NDUFS4: variants seen among roughly 807,000 people sequenced by gnomAD.
NDUFS4 encodes the protein NADH dehydrogenase [ubiquinone] iron-sulfur protein 4, mitochondrial.
A neutral mutation model predicts 24.3 loss-of-function variants in NDUFS4; 28 were observed. The ratio of observed to expected loss-of-function variants is 1.15; its 90% confidence interval spans 0.85 to 1.58. NDUFS4 has a LOEUF of 1.58. Among genes scored for constraint, NDUFS4 ranks in the 40% most tolerant of loss-of-function variants. The pLI is 0.00. For synonymous variants in NDUFS4, 93 were observed against 69.7 expected (o/e 1.34, Z -1.67); for missense variants, 223 against 207.9 (o/e 1.07, Z -0.45).
intron 2 of NDUFS4, among the ~76,000 whole-genome samples, chr5:53,604,294 A>G (rs1344010892): frequency 6.6e-6 from 1 of 152,180 alleles, no homozygotes; most frequent in African/African-American, 2.4e-5. Context: ...ACAGTATTTT[A>G]TCACTCAACT....
At chr5:53,681,563 T>TTAAAG (rs1274823625) in intron 4 of NDUFS4, among the ~76,000 whole-genome samples, 1 of 152,172 alleles carries the variant, frequency 6.6e-6, no homozygotes, top group Non-Finnish European at 1.5e-5. Flanking sequence ...CCACATTCTC[T>TTAAAG]TAAAGTAAGC....
At chr5:53,602,981 T>C (rs1274840865) in intron 1 of NDUFS4, among the ~76,000 whole-genome samples, 1 of 152,230 alleles carries the variant, frequency 6.6e-6, no homozygotes, top group Non-Finnish European at 1.5e-5. Context: ...ACATTAGTTA[T>C]ACAAATCATT....
intron 1 of NDUFS4, among the ~76,000 whole-genome samples, chr5:53,589,848 G>A (rs571387467): frequency 9.9e-5 from 15 of 152,270 alleles, no homozygotes; most frequent in Admixed American, 6.5e-4. Context: ...TTCTCCCGTG[G>A]TGGATGCTTC....
At chr5:53,572,831 A>T (rs1749254928) in intron 1 of NDUFS4, among the ~76,000 whole-genome samples, 1 of 151,850 alleles carries the variant, frequency 6.6e-6, no homozygotes, top group East Asian at 1.9e-4. Flanking sequence ...TCTTTAGTAG[A>T]GACGGGGTTT....
At chr5:53,612,391 A>G (rs879610428) in intron 2 of NDUFS4, among the ~76,000 whole-genome samples, 4 of 152,082 alleles carry the variant, frequency 2.6e-5, no homozygotes, top group Non-Finnish European at 5.9e-5. Flanking sequence ...GAAAAAGGAA[A>G]CTTTTTATTT....
rs555937852 is a variant in NDUFS4, at chr5:53,645,305, T to G, written c.178-928T>G. Among the ~76,000 whole-genome samples the G allele has an allele frequency of 2.0e-5, 3 of 152,252 alleles. No homozygotes were observed. The South Asian group carries it at 6.2e-4, about 32-fold the overall frequency. On this transcript the variant is annotated intron_variant, in intron 2 of 4. Transcript: ENST00000296684. The stretch of plus-strand genomic sequence containing the variant: ...ACCCATTTATGTCTGAGGTTGCAGT[T>G]TTTAGAATTTTTGCAATCAGACCTT...
At chr5:53,676,820 TA>T (rs1740486165) in intron 4 of NDUFS4, among the ~76,000 whole-genome samples, 2 of 152,138 alleles carry the variant, frequency 1.3e-5, no homozygotes. Context: ...GAGTCACAAA[TA>T]AACTTTACGT....
intron 1 of NDUFS4, among the ~76,000 whole-genome samples, chr5:53,601,011 T>A (rs1249473150): frequency 6.7e-6 from 1 of 149,764 alleles, no homozygotes; most frequent in Admixed American, 6.6e-5. Context: ...AAATTTTTTT[T>A]TTTTTTTTTT....
At position 53,665,627 on chromosome 5, in the gene NDUFS4, G is replaced by T. The variant is rs776055414; in HGVS notation, c.424+7003G>T. Reference sequence around the variant, plus strand: ...TGTGGGCATAGGACCCTCCGAGCCAGGTGCGGGATATAATCTCCTGGTGTG... The same window carrying T: ...TGTGGGCATAGGACCCTCCGAGCCATGTGCGGGATATAATCTCCTGGTGTG... On this transcript the variant is annotated intron_variant, in intron 4 of 4. Coordinates refer to ENST00000296684, the MANE Select transcript of NDUFS4 (RefSeq NM_002495.4). Among the ~76,000 whole-genome samples, 32 of 152,362 alleles carry T rather than the reference G, an allele frequency of 2.1e-4. 1 individual carries two copies. Among genetic ancestry groups the T allele is most frequent in the African/African-American group, 3.8e-4 (16 of 41,588 alleles).
intron 2 of NDUFS4, among the ~76,000 whole-genome samples, chr5:53,622,561 A>C (rs1216575052): frequency 6.6e-6 from 1 of 152,076 alleles, no homozygotes; most frequent in East Asian, 1.9e-4. Flanking sequence ...TACCTCCCAA[A>C]GGCCCCATTT....
chr5:53,674,502 GTA>G (rs1163409285), intron 4 of NDUFS4, among the ~76,000 whole-genome samples: 2 of 152,098 alleles, frequency 1.3e-5, no homozygotes, highest in African/African-American at 4.8e-5. Context: ...CAATGGATTA[GTA>G]TTCTGTCTTA....
rs554429876 is a variant in NDUFS4 at position 53,567,649 on chromosome 5, A to C, written c.98+6889A>C. 2.1e-4 allele frequency among the ~76,000 whole-genome samples: 32 copies of C among 152,088 alleles called. 1 individual carries two copies. Among genetic ancestry groups the C allele is most frequent in the African/African-American group, 6.7e-4 (28 of 41,506 alleles). On this transcript the variant is annotated intron_variant, in intron 1 of 4. Transcript: ENST00000296684. ...CTTTAAAAACGATTCAGTGTCTGCT[A>C]TGCTTTCTGAGTTCTCGTGTCTGCT... is the stretch of plus-strand genomic sequence containing the variant.
chr5:53,658,823 T>C (rs1752240508), intron 4 of NDUFS4, 199 bp downstream of exon 4: 2 of 538,668 alleles, frequency 3.7e-6, no homozygotes, highest in South Asian at 2.4e-5. Flanking sequence ...GGAATGCTCA[T>C]ACAACATGTA....
chr5:53,563,185 C>T (rs13176691), intron 1 of NDUFS4, among the ~76,000 whole-genome samples: 15 of 148,504 alleles, frequency 1.0e-4, no homozygotes, highest in South Asian at 6.4e-4. Flanking sequence ...GTCAAGATCG[C>T]GCCACTGCAC....
At chr5:53,596,690 T>G (rs1002468333) in intron 1 of NDUFS4, among the ~76,000 whole-genome samples, 3 of 152,236 alleles carry the variant, frequency 2.0e-5, no homozygotes, top group African/African-American at 4.8e-5. Context: ...TTATTTCAAT[T>G]AAAACTCTCA....
intron 1 of NDUFS4, among the ~76,000 whole-genome samples, chr5:53,568,751 G>A (rs770306433): frequency 7.2e-5 from 11 of 152,200 alleles, no homozygotes; most frequent in Middle Eastern, 3.4e-3. Flanking sequence ...TTAGGAAGGT[G>A]GTCTTTCACT....
intron 1 of NDUFS4, among the ~76,000 whole-genome samples, chr5:53,602,660 T>C (rs577431533): frequency 6.6e-6 from 1 of 152,022 alleles, no homozygotes; most frequent in Non-Finnish European, 1.5e-5. Context: ...ATATTTGGGG[T>C]GGAAATTTGA....
intron 2 of NDUFS4, among the ~76,000 whole-genome samples, chr5:53,634,539 G>A (rs1165853628): frequency 1.3e-5 from 2 of 152,086 alleles, no homozygotes; most frequent in Non-Finnish European, 1.5e-5. Flanking sequence ...GTTTAATTAA[G>A]AAATAATAGA....
intron 2 of NDUFS4, among the ~76,000 whole-genome samples, chr5:53,637,448 C>T (rs968161637): frequency 1.3e-5 from 2 of 152,134 alleles, no homozygotes; most frequent in African/African-American, 4.8e-5. Context: ...TTTCCTGTTA[C>T]AAGAACAGAT....
Sources: allele counts gnomAD v4.1 joint callset (sites outside exome capture counted in the v4.1 genomes callset), GRCh38; gene constraint gnomAD v4.1.1; transcripts MANE v1.5; gene names NCBI Gene and HGNC (gene_info 2026-07-23, HGNC 2026-07-21).